FOXP2: variants seen among roughly 807,000 people sequenced by gnomAD.
FOXP2 encodes the protein forkhead box protein P2.
A neutral mutation model predicts 115.8 loss-of-function variants in FOXP2; 12 were observed. The observed-to-expected ratio is 0.10, with a 90% CI of 0.07 to 0.17. The LOEUF is 0.17. FOXP2 is among the 10% of genes least tolerant of loss of function. The pLI is 1.00. For synonymous variants in FOXP2, 328 were observed against 297.7 expected (o/e 1.10, Z -1.05); for missense variants, 629 against 843.5 (o/e 0.75, Z 3.15).
At chr7:114,265,557 G>A (rs536655036) in intron 1 of FOXP2, among the ~76,000 whole-genome samples, 1 of 152,198 alleles carries the variant, frequency 6.6e-6, no homozygotes, top group Admixed American at 6.5e-5. Context: ...TACCAGTCTG[G>A]GGTCTGGAGC....
chr7:114,177,278 A>G (rs1216906971), intron 1 of FOXP2, among the ~76,000 whole-genome samples: 2 of 152,158 alleles, frequency 1.3e-5, no homozygotes, highest in Admixed American at 6.5e-5. Flanking sequence ...TATCTGTCCA[A>G]TGCTTTTATC....
At chr7:114,107,153 A>G (rs1315161430) in intron 1 of FOXP2, among the ~76,000 whole-genome samples, 3 of 151,986 alleles carry the variant, frequency 2.0e-5, no homozygotes, top group Non-Finnish European at 4.4e-5. Flanking sequence ...TGGGCCTATA[A>G]CTAATCTGGG....
intron 2 of FOXP2, among the ~76,000 whole-genome samples, chr7:114,402,168 TAA>T (rs1792902500): frequency 6.6e-6 from 1 of 151,762 alleles, no homozygotes; most frequent in African/African-American, 2.4e-5. Flanking sequence ...TAGATAAAAT[TAA>T]GAGAGAAAAA....
chr7:114,656,481 G>A (rs981778729), intron 10 of FOXP2: 1 of 452,610 alleles, frequency 2.2e-6, no homozygotes, highest in African/African-American at 2.0e-5. Flanking sequence ...GGATGTTTCT[G>A]CGTTTCTCAA....
intron 2 of FOXP2, among the ~76,000 whole-genome samples, chr7:114,345,485 T>C (rs1791324231): frequency 6.6e-6 from 1 of 151,850 alleles, no homozygotes; most frequent in African/African-American, 2.4e-5. Flanking sequence ...TCAAAGCAAA[T>C]GCTAAGTCTG....
chr7:114,420,251 C>T (rs761499051), intron 1 of FOXP2, among the ~76,000 whole-genome samples: 1 of 151,818 alleles, frequency 6.6e-6, no homozygotes, highest in East Asian at 1.9e-4. Context: ...AGTAGTCCAG[C>T]CTTTGGGAAT....
At position 114,693,368 on chromosome 7, in the gene FOXP2, T is replaced by C. The variant is rs901936996; in HGVS notation, c.*3442T>C. On this transcript the variant is annotated 3_prime_UTR_variant, in exon 17 of 17. Transcript: ENST00000350908. The stretch of plus-strand genomic sequence containing the variant: ...CACTTACATAAACCATCCTGGACTT[T>C]AATGTCCCTGGGCAGATTCAGTCGC... 1.1e-5 allele frequency: 5 copies of C among 453,760 alleles called. No homozygotes were observed. The highest frequency in any genetic ancestry group is 1.0e-4 in the African/African-American group (5 of 49,996). The allele number at this position is 453,760 out of a possible 1,614,324, so 28.1% of individuals were successfully genotyped here.
chr7:114,567,196 G>A (rs951680630), intron 3 of FOXP2, among the ~76,000 whole-genome samples: 1 of 151,940 alleles, frequency 6.6e-6, no homozygotes, highest in Admixed American at 6.6e-5. Context: ...TGAAAATTGA[G>A]TACTATTTTG....
intron 16 of FOXP2, among the ~76,000 whole-genome samples, chr7:114,672,801 C>A (rs1807560258): frequency 6.6e-6 from 1 of 152,100 alleles, no homozygotes; most frequent in Admixed American, 6.6e-5. Flanking sequence ...TGGAAAGTAG[C>A]CTCTGTAAAG....
intron 1 of FOXP2, among the ~76,000 whole-genome samples, chr7:114,094,262 A>G (rs1799599345): frequency 6.6e-6 from 1 of 152,232 alleles, no homozygotes; most frequent in Non-Finnish European, 1.5e-5. Context: ...TAGCTTGCTC[A>G]AATTGCTTTT....
chr7:114,537,929 C>T (rs1417248817), intron 3 of FOXP2, among the ~76,000 whole-genome samples: 1 of 151,640 alleles, frequency 6.6e-6, no homozygotes, highest in Non-Finnish European at 1.5e-5. Flanking sequence ...TTCTGCTTTA[C>T]ATTCTTACTG....
At chr7:114,664,156 T>A in intron 15 of FOXP2, 117 bp from the exon 16 acceptor site, 1 of 1,210,374 alleles carries the variant, frequency 8.3e-7, no homozygotes. Context: ...ACATTTTCTT[T>A]TAATCCTTCT....
intron 16 of FOXP2, among the ~76,000 whole-genome samples, chr7:114,685,470 T>C (rs1040678233): frequency 1.3e-5 from 2 of 152,218 alleles, no homozygotes; most frequent in African/African-American, 4.8e-5. Flanking sequence ...AACTTCAGTT[T>C]CGTTAACTAT....
chr7:114,383,794 G>GA (rs893142465), intron 2 of FOXP2, among the ~76,000 whole-genome samples: 13 of 152,068 alleles, frequency 8.5e-5, no homozygotes, highest in African/African-American at 3.1e-4. Flanking sequence ...TTTCCCATCT[G>GA]AAAAAAGAAC....
intron 2 of FOXP2, among the ~76,000 whole-genome samples, chr7:114,298,694 C>G (rs749452401): frequency 3.9e-5 from 6 of 152,158 alleles, no homozygotes; most frequent in Non-Finnish European, 8.8e-5. Context: ...TCAAATCTCT[C>G]CAGTAGTCTA....
chr7:114,623,439 A>G (rs535986275), intron 3 of FOXP2, among the ~76,000 whole-genome samples: 1 of 151,968 alleles, frequency 6.6e-6, no homozygotes, highest in Non-Finnish European at 1.5e-5. Flanking sequence ...AGCTTTGAGA[A>G]GAAAGAAAAA....
chr7:114,590,522 T>G (rs1269939696), intron 3 of FOXP2, among the ~76,000 whole-genome samples: 1 of 152,118 alleles, frequency 6.6e-6, no homozygotes, highest in Non-Finnish European at 1.5e-5. Context: ...ACTTCCCAAG[T>G]CTGCTCCTAG....
rs1803286171 is a variant in FOXP2 at position 114,605,772 on chromosome 7, C to A, written c.259-22768C>A. ...TGAAGCATGTTGTGGGGACATGGAC[C>A]TGGAAAGGAGTTAGTGTTAGGTGGT... On this transcript the variant is annotated intron_variant, in intron 3 of 16. Transcript: ENST00000350908. Among the ~76,000 whole-genome samples the A allele has an allele frequency of 2.6e-5, 4 of 152,246 alleles. No homozygotes were observed. The South Asian group carries it at 8.3e-4, about 32-fold the overall frequency.
chr7:114,348,886 T>C (rs1489985688), intron 2 of FOXP2, among the ~76,000 whole-genome samples: 6 of 152,132 alleles, frequency 3.9e-5, no homozygotes, highest in Admixed American at 3.9e-4. Flanking sequence ...TATCAGCTTA[T>C]GAGTATTCAA....
Sources: allele counts gnomAD v4.1 joint callset (sites outside exome capture counted in the v4.1 genomes callset), GRCh38; gene constraint gnomAD v4.1.1; transcripts MANE v1.5; gene names NCBI Gene and HGNC (gene_info 2026-07-23, HGNC 2026-07-21).